The following RERG variants were observed in gnomAD, a reference collection of about 807,000 sequenced individuals.
The protein encoded by RERG is ras-related and estrogen-regulated growth inhibitor.
A neutral mutation model predicts 23.2 loss-of-function variants in RERG; 25 were observed. The observed-to-expected ratio is 1.08, with a 90% confidence interval of 0.79 to 1.50. RERG has a LOEUF of 1.50. Ranked by LOEUF, RERG falls within the 40% of genes most tolerant of loss-of-function variation. The pLI, the probability that RERG is intolerant of heterozygous loss-of-function variation, is 0.00. For missense variants in RERG, 253 were observed against 250.1 expected, an observed-to-expected ratio of 1.01 and a Z score of -0.08; for synonymous variants, 81 against 89.1, an observed-to-expected ratio of 0.91 and a Z score of 0.51.
intron 3 of RERG, among the ~76,000 whole-genome samples, chr12:15,116,277 A>G (rs1299669418): frequency 6.6e-6 from 1 of 152,148 alleles, no homozygotes; most frequent in African/African-American, 2.4e-5. Context: ...TGTCCTTTGT[A>G]CCGACTTCCC....
At chr12:15,189,844 G>A (rs1865045199) in intron 2 of RERG, among the ~76,000 whole-genome samples, 1 of 152,154 alleles carries the variant, frequency 6.6e-6, no homozygotes, top group Non-Finnish European at 1.5e-5. Context: ...AAGGCAGAAG[G>A]CCACAGCCTC....
intron 2 of RERG, among the ~76,000 whole-genome samples, chr12:15,161,222 GAAA>G (rs1864609785): frequency 1.6e-5 from 2 of 122,026 alleles, no homozygotes; most frequent in African/African-American, 5.6e-5. Context: ...AAGAAAGAAA[GAAA>G]GAAACAGGGG....
chr12:15,176,256 A>G (rs1017275741), intron 2 of RERG, among the ~76,000 whole-genome samples: 8 of 152,240 alleles, frequency 5.3e-5, no homozygotes, highest in Admixed American at 1.3e-4. Flanking sequence ...TATTTAGGCA[A>G]TTGCATATTG....
intron 2 of RERG, among the ~76,000 whole-genome samples, chr12:15,211,557 G>T (rs1357100411): frequency 6.6e-6 from 1 of 152,138 alleles, no homozygotes; most frequent in Non-Finnish European, 1.5e-5. Context: ...CAAGGCATTG[G>T]TCATAGGGTA....
chr12:15,192,117 T>C (rs1478184375), intron 2 of RERG, among the ~76,000 whole-genome samples: 2 of 152,210 alleles, frequency 1.3e-5, no homozygotes, highest in Non-Finnish European at 1.5e-5. Flanking sequence ...AGATTTCTCA[T>C]GAATGGTTTA....
chr12:15,213,996 ATGTGTGTG>A (rs59427690), intron 2 of RERG, among the ~76,000 whole-genome samples: 3,962 of 130,932 alleles, frequency 0.03, 96 homozygotes, highest in African/African-American at 0.075. Context: ...CAGAGAAAGT[ATGTGTGTG>A]TGTGTGTGTG....
In RERG at chr12:15,109,423, A is replaced by T; in HGVS notation, c.287T>A (p.Leu96Gln). 6.2e-7 allele frequency: 1 copy of T among 1,614,068 alleles called. No individual in the cohort carries two copies. The highest frequency in any genetic ancestry group is 8.5e-7 in the Non-Finnish European group (1 of 1,179,994). Residue 96 changes from leucine to glutamine, a missense_variant, in exon 5 of 5, where the codon CTG becomes CAG. By Grantham distance (113) the Leu-to-Gln change is moderately radical. Transcript: ENST00000256953. Reference sequence around the variant, plus strand: ...CTCATCTAGGATGTTCTTAAGTGGCAGCACTTCCTCAAAACTTCCTCGGTC... The same window carrying T: ...CTCATCTAGGATGTTCTTAAGTGGCTGCACTTCCTCAAAACTTCCTCGGTC... ...ITDRGSFEEV[L>Q]PLKNILDEIK...
intron 2 of RERG, among the ~76,000 whole-genome samples, chr12:15,204,728 G>GA (rs1394393248): frequency 7.2e-5 from 11 of 151,780 alleles, no homozygotes; most frequent in South Asian, 2.1e-4. Flanking sequence ...TTTATGGCCT[G>GA]AAAAAAATGG....
At chr12:15,122,945 C>T (rs1243374041) in intron 2 of RERG, among the ~76,000 whole-genome samples, 6 of 151,926 alleles carry the variant, frequency 3.9e-5, no homozygotes, top group East Asian at 1.9e-4. Context: ...ATTGCAGGCG[C>T]GTGCCACCAC....
At chr12:15,190,137 G>A (rs922856487) in intron 2 of RERG, among the ~76,000 whole-genome samples, 1 of 152,064 alleles carries the variant, frequency 6.6e-6, no homozygotes, top group Non-Finnish European at 1.5e-5. Context: ...AGCAGCTTAG[G>A]CCTGTTGCTT....
intron 2 of RERG, among the ~76,000 whole-genome samples, chr12:15,178,283 C>T (rs141543412): frequency 2.6e-5 from 4 of 152,142 alleles, no homozygotes; most frequent in African/African-American, 9.6e-5. Context: ...ACCTCTTCAC[C>T]CCCACTTAAA....
At chr12:15,203,906 T>G (rs1865250501) in intron 2 of RERG, among the ~76,000 whole-genome samples, 1 of 151,686 alleles carries the variant, frequency 6.6e-6, no homozygotes, top group Non-Finnish European at 1.5e-5. Context: ...AATACATTGA[T>G]GAAAGACATT....
chr12:15,204,376 A>C (rs1865257007), intron 2 of RERG, among the ~76,000 whole-genome samples: 1 of 151,762 alleles, frequency 6.6e-6, no homozygotes, highest in Non-Finnish European at 1.5e-5. Context: ...TTCGTGTGCA[A>C]AATAATGAAA....
intron 2 of RERG, chr12:15,152,013 G>C (rs1003466540): frequency 6.6e-6 from 1 of 152,102 alleles, no homozygotes; most frequent in African/African-American, 2.4e-5. Context: ...ATTAATAAAG[G>C]GCTCCTGAGA....
chr12:15,215,001 T>A (rs1238199720), intron 2 of RERG, among the ~76,000 whole-genome samples: 1 of 152,182 alleles, frequency 6.6e-6, no homozygotes, highest in African/African-American at 2.4e-5. Flanking sequence ...AATGTTGACA[T>A]AGGAAAACAC....
chr12:15,191,027 T>C (rs143889651), intron 2 of RERG, among the ~76,000 whole-genome samples: 1 of 152,286 alleles, frequency 6.6e-6, no homozygotes, highest in African/African-American at 2.4e-5. Context: ...AACAGTCTTA[T>C]GGAATGTAAC....
chr12:15,171,571 AG>A (rs1364877603), intron 2 of RERG, among the ~76,000 whole-genome samples: 2 of 152,208 alleles, frequency 1.3e-5, no homozygotes, highest in Non-Finnish European at 2.9e-5. Flanking sequence ...GACTGTGATT[AG>A]AAGTCATGAG....
chr12:15,156,198 A>C (rs1257571162), intron 2 of RERG, among the ~76,000 whole-genome samples: 1 of 152,228 alleles, frequency 6.6e-6, no homozygotes, highest in Non-Finnish European at 1.5e-5. Context: ...GAATGGAAAT[A>C]TCCATCATTT....
chr12:15,140,800 T>C (rs932141413), intron 2 of RERG, among the ~76,000 whole-genome samples: 1 of 152,144 alleles, frequency 6.6e-6, no homozygotes, highest in South Asian at 2.1e-4. Context: ...AAGAAAGATC[T>C]TCCCCCCATG....
Sources: gnomAD v4.1 joint callset for allele counts (sites outside exome capture counted in the v4.1 genomes callset) on GRCh38, gnomAD v4.1.1 for gene constraint, MANE v1.5 for transcripts, NCBI Gene and HGNC (gene_info 2026-07-23, HGNC 2026-07-21) for gene names.